Variants in PPIL1 observed in about 807,000 individuals in gnomAD.
PPIL1 encodes peptidyl-prolyl cis-trans isomerase-like 1.
A neutral mutation model predicts 19.4 loss-of-function variants in PPIL1; 14 were observed. The ratio of observed to expected loss-of-function variants is 0.72; its 90% CI spans 0.48 to 1.13. The LOEUF (loss-of-function observed/expected upper bound fraction) is 1.13, where lower values mean the gene tolerates loss of function less well. Among genes scored for constraint, PPIL1 ranks in the 50% most tolerant of loss-of-function variants. The probability of loss-of-function intolerance (pLI) is 0.00; values close to 1 mark genes in which losing one functional copy is unlikely to be tolerated. For synonymous variants in PPIL1, 72 were observed against 73.6 expected, an observed-to-expected ratio of 0.98 and a Z score of 0.11; for missense variants, 192 against 218.0, an observed-to-expected ratio of 0.88 and a Z score of 0.75.
chr6:36,871,395 C>G (rs1197001181), intron 2 of PPIL1, among the ~76,000 whole-genome samples: 2 of 152,224 alleles, frequency 1.3e-5, no homozygotes, highest in African/African-American at 4.8e-5. Context: ...GTCTTTCCTT[C>G]TTATTGATCA....
intron 2 of PPIL1, among the ~76,000 whole-genome samples, chr6:36,869,702 T>G (rs1374955205): frequency 6.6e-6 from 1 of 152,146 alleles, no homozygotes; most frequent in Non-Finnish European, 1.5e-5. Context: ...GCTGAAGGAA[T>G]GATGAGTGCA....
At position 36,871,825 on chromosome 6, in the gene PPIL1, G is replaced by A. The variant is rs1774517033; in HGVS notation, c.104C>T (p.Thr35Ile). ...LELYWKHAPK[T>I]CKNFAELARR... ...AGCCAACTCAGCAAAGTTCTTACAG[G>A]TCTTTGGAGCATGCTTCCAGTACAG... The change falls in exon 2 of 4, where the codon ACC (threonine) becomes ATC (isoleucine). Residue 35 changes from threonine (T) to isoleucine (I), a missense_variant. Transcript: ENST00000373699. 16 of 1,611,064 alleles carry A rather than the reference G, an allele frequency of 9.9e-6. No homozygotes were observed. The highest frequency in any genetic ancestry group is 3.3e-4 in the Middle Eastern group (2 of 6,072).
chr6:36,862,833 A>G (rs144410568), intron 2 of PPIL1, among the ~76,000 whole-genome samples: 278 of 152,330 alleles, frequency 1.8e-3, no homozygotes, highest in African/African-American at 5.6e-3. Context: ...ACACTTTGTT[A>G]ATATACCAGA....
intron 1 of PPIL1, 80 bp downstream of exon 1, chr6:36,874,637 A>G (rs990280495): frequency 1.3e-6 from 2 of 1,554,452 alleles, no homozygotes; most frequent in Admixed American, 1.7e-5. Context: ...TCCCGGAGGA[A>G]CGCGCCAGGA....
chr6:36,859,973 C>T (rs1341358135), intron 2 of PPIL1, among the ~76,000 whole-genome samples: 1 of 152,012 alleles, frequency 6.6e-6, no homozygotes, highest in East Asian at 1.9e-4. Context: ...GGACTACAGG[C>T]GCCCGCCACC....
intron 1 of PPIL1, among the ~76,000 whole-genome samples, chr6:36,873,776 C>T (rs1774571941): frequency 6.6e-6 from 1 of 151,958 alleles, no homozygotes; most frequent in East Asian, 1.9e-4. Context: ...CAGCAATGGG[C>T]AAGAACAGAA....
At chr6:36,863,064 T>C (rs1199255336) in intron 2 of PPIL1, among the ~76,000 whole-genome samples, 1 of 152,146 alleles carries the variant, frequency 6.6e-6, no homozygotes, top group Non-Finnish European at 1.5e-5. Flanking sequence ...GTTATGAGAA[T>C]TAAATGAGAC....
chr6:36,865,922 C>A (rs1236637480), intron 2 of PPIL1, among the ~76,000 whole-genome samples: 1 of 152,222 alleles, frequency 6.6e-6, no homozygotes, highest in African/African-American at 2.4e-5. Context: ...ATTAACAGAG[C>A]TTGCTGTTCA....
At chr6:36,863,167 T>C (rs747568582) in intron 2 of PPIL1, among the ~76,000 whole-genome samples, 2 of 152,178 alleles carry the variant, frequency 1.3e-5, no homozygotes, top group African/African-American at 2.4e-5. Context: ...CCCGAGCATT[T>C]TCTCTGAGAA....
chr6:36,866,318 C>T (rs1457577953), intron 2 of PPIL1, among the ~76,000 whole-genome samples: 1 of 152,140 alleles, frequency 6.6e-6, no homozygotes, highest in Admixed American at 6.6e-5. Flanking sequence ...CCACAGTAGT[C>T]AGACTGAGGG....
intron 1 of PPIL1, among the ~76,000 whole-genome samples, chr6:36,874,399 C>T (rs1450206154): frequency 6.6e-6 from 1 of 152,238 alleles, no homozygotes; most frequent in Non-Finnish European, 1.5e-5. Flanking sequence ...ACCTCTGTAT[C>T]CTCAGAACTC....
intron 2 of PPIL1, among the ~76,000 whole-genome samples, chr6:36,868,168 C>A (rs1561848369): frequency 6.6e-6 from 1 of 151,886 alleles, no homozygotes; most frequent in Non-Finnish European, 1.5e-5. Context: ...GATAATACAC[C>A]ACAGAATAAG....
chr6:36,872,036 A>G, intron 1 of PPIL1, 164 bp from the exon 2 acceptor site: 1 of 584,256 alleles, frequency 1.7e-6, no homozygotes, highest in South Asian at 3.4e-5. Flanking sequence ...AATGCAAGTA[A>G]CATAAACACC....
At chr6:36,861,468 C>G (rs1241895865) in intron 2 of PPIL1, among the ~76,000 whole-genome samples, 1 of 152,128 alleles carries the variant, frequency 6.6e-6, no homozygotes, top group Non-Finnish European at 1.5e-5. Context: ...CGCTCAAGTC[C>G]CGCTGTGGGC....
At position 36,866,579 on chromosome 6, in the gene PPIL1, A is replaced by G. The variant is rs1424282055; in HGVS notation, c.211+5139T>C. ...TGAGTGATTCAATTTCATTAAAATTACACCATGGAAATGTGACATTATGAA... is the reference window on the plus strand; with the variant it reads ...TGAGTGATTCAATTTCATTAAAATTGCACCATGGAAATGTGACATTATGAA... On this transcript the variant is annotated intron_variant, in intron 2 of 3. Transcript: ENST00000373699. 4.6e-5 allele frequency among the ~76,000 whole-genome samples: 7 copies of G among 152,164 alleles called. No individual in the cohort carries two copies. In the East Asian group the frequency reaches 1.3e-3, roughly 29 times the overall value.
intron 2 of PPIL1, among the ~76,000 whole-genome samples, chr6:36,859,575 A>G (rs1358036947): frequency 2.6e-5 from 4 of 152,128 alleles, no homozygotes; most frequent in Non-Finnish European, 5.9e-5. Flanking sequence ...AATTCAACTC[A>G]GTAGGGTTTG....
chr6:36,859,639 G>A (rs553548285), intron 2 of PPIL1, among the ~76,000 whole-genome samples: 1 of 152,038 alleles, frequency 6.6e-6, no homozygotes, highest in Non-Finnish European at 1.5e-5. Flanking sequence ...CTCTGGGCAC[G>A]TGGAATAAGT....
chr6:36,867,283 T>C (rs891370666), intron 2 of PPIL1, among the ~76,000 whole-genome samples: 6 of 152,150 alleles, frequency 3.9e-5, no homozygotes, highest in African/African-American at 1.4e-4. Context: ...GTTTACCACA[T>C]GCTCCCAACA....
intron 2 of PPIL1, among the ~76,000 whole-genome samples, chr6:36,861,544 T>C (rs1054544742): frequency 1.1e-4 from 16 of 152,300 alleles, no homozygotes; most frequent in Middle Eastern, 3.4e-3. Context: ...CTATATACTA[T>C]AGATACTAAT....
Sources: gnomAD v4.1 joint callset for allele counts (sites outside exome capture counted in the v4.1 genomes callset) on GRCh38, gnomAD v4.1.1 for gene constraint, MANE v1.5 for transcripts, NCBI Gene and HGNC (gene_info 2026-07-23, HGNC 2026-07-21) for gene names.